The following SCGB2B2 variants were observed in gnomAD, a reference collection of about 807,000 sequenced individuals.
SCGB2B2 encodes secretoglobin family 2B member 2, also known as secretoglobin-like protein.
SCGB2B2 carries 11 observed loss-of-function variants against 7.6 expected under a neutral mutation model. The observed-to-expected ratio is 1.45, with a 90% confidence interval of 0.91 to 2.40. The LOEUF is 2.40. Among genes scored for constraint, SCGB2B2 ranks in the 30% most tolerant of loss-of-function variants. The pLI, the probability that SCGB2B2 is intolerant of heterozygous loss-of-function variation, is 0.00. For synonymous variants in SCGB2B2, 50 were observed against 48.6 expected (o/e 1.03, Z -0.12); for missense variants, 104 against 115.4 (o/e 0.90, Z 0.45).
chr19:34,639,674 A>G (rs2066786959), intron 1 of SCGB2B2, among the ~76,000 whole-genome samples: 2 of 152,108 alleles, frequency 1.3e-5, no homozygotes. Context: ...CTGCTCAAAC[A>G]CCACCAGGAG....
chr19:34,610,725 T>G (rs1397205456), intron 1 of SCGB2B2, among the ~76,000 whole-genome samples: 1 of 151,668 alleles, frequency 6.6e-6, no homozygotes, highest in Non-Finnish European at 1.5e-5. Context: ...AGTATTTTGT[T>G]GAGGATGTTT....
intron 1 of SCGB2B2, among the ~76,000 whole-genome samples, chr19:34,643,102 T>C (rs947921862): frequency 9.2e-5 from 14 of 152,222 alleles, no homozygotes; most frequent in Non-Finnish European, 1.9e-4. Context: ...AAGGGATTCC[T>C]GCACTTGTAT....
chr19:34,642,567 T>C (rs1025424069), intron 1 of SCGB2B2, among the ~76,000 whole-genome samples: 2 of 151,374 alleles, frequency 1.3e-5, no homozygotes, highest in Admixed American at 1.3e-4. Flanking sequence ...TACAAAAAAA[T>C]TAGCCGGGCA....
chr19:34,665,641 T>G (rs1342823021), intron 1 of SCGB2B2, among the ~76,000 whole-genome samples: 1 of 152,064 alleles, frequency 6.6e-6, no homozygotes, highest in Non-Finnish European at 1.5e-5. Context: ...CTACCCCTCA[T>G]GGCAGTTGAG....
Position 34,635,353 on chromosome 19 carries a change from C to A in SCGB2B2, c.-2031-38759G>T, listed in dbSNP as rs878869520. 1.1e-5 allele frequency: 3 copies of A among 283,566 alleles called. No individual in the cohort carries two copies. In the South Asian group the frequency reaches 1.4e-4, roughly 13 times the overall value. 17.6% of individuals were successfully genotyped at this position (283,566 alleles called of 1,614,324 possible). On this transcript the variant is annotated intron_variant, in intron 1 of 3. Transcript: ENST00000601241. ...TTCCCACATTCACTGCATCTGTAAG[C>A]CCTTTCTCCAGTGTGAAGGTTTTTA...
chr19:34,628,074 G>A (rs1185452409), intron 1 of SCGB2B2, among the ~76,000 whole-genome samples: 3 of 152,024 alleles, frequency 2.0e-5, no homozygotes, highest in South Asian at 2.1e-4. Flanking sequence ...TGAAACCAAC[G>A]AGAACAAAGA....
chr19:34,620,122 C>A (rs532701337), intron 1 of SCGB2B2, among the ~76,000 whole-genome samples: 5 of 152,236 alleles, frequency 3.3e-5, no homozygotes, highest in Non-Finnish European at 7.4e-5. Flanking sequence ...CACCATTCTA[C>A]AATTTTGGAA....
downstream of SCGB2B2, among the ~76,000 whole-genome samples, chr19:34,586,069 A>C (rs2065184878): frequency 6.6e-6 from 1 of 152,206 alleles, no homozygotes; most frequent in Non-Finnish European, 1.5e-5. Context: ...ACCATCAGGC[A>C]CTATCCTCCT....
At chr19:34,641,816 C>T (rs1232572760) in intron 1 of SCGB2B2, among the ~76,000 whole-genome samples, 1 of 152,100 alleles carries the variant, frequency 6.6e-6, no homozygotes, top group Non-Finnish European at 1.5e-5. Context: ...ATTTCTTTGA[C>T]ATATTTTGAA....
rs2065289628 is a variant in SCGB2B2 at position 34,591,233 on chromosome 19, A to G, written c.*2322T>C. Among the ~76,000 whole-genome samples the G allele has an allele frequency of 6.6e-6, 1 of 152,170 alleles. No individual in the cohort carries two copies. The highest frequency in any genetic ancestry group is 2.1e-4 in the South Asian group (1 of 4,826). On this transcript the variant is annotated 3_prime_UTR_variant, in exon 4 of 4. Transcript: ENST00000601241. ...ATGGGACTCTGGATCTTTGCCCTAA[A>G]CCTGCTCCTCCCCAGGCTTCACCTT...
chr19:34,615,357 T>A (rs1033194050), intron 1 of SCGB2B2, among the ~76,000 whole-genome samples: 71 of 152,122 alleles, frequency 4.7e-4, no homozygotes, highest in African/African-American at 1.5e-3. Context: ...GATCCTCTGG[T>A]TTACCTTCTC....
chr19:34,642,791 C>T (rs1238912733), intron 1 of SCGB2B2, among the ~76,000 whole-genome samples: 1 of 145,680 alleles, frequency 6.9e-6, no homozygotes, highest in Non-Finnish European at 1.5e-5. Flanking sequence ...TACAAATGAC[C>T]AACACGTATA....
At chr19:34,616,337 C>T (rs2066078963) in intron 1 of SCGB2B2, among the ~76,000 whole-genome samples, 1 of 142,212 alleles carries the variant, frequency 7.0e-6, no homozygotes, top group Non-Finnish European at 1.6e-5. Flanking sequence ...TCTCCACATC[C>T]TCTCCAGCAC....
intron 1 of SCGB2B2, among the ~76,000 whole-genome samples, chr19:34,612,642 A>C (rs1206721842): frequency 6.6e-6 from 1 of 152,190 alleles, no homozygotes; most frequent in African/African-American, 2.4e-5. Flanking sequence ...TTGTTGGATG[A>C]AATAGTCTGT....
downstream of SCGB2B2, among the ~76,000 whole-genome samples, chr19:34,587,322 C>G (rs1237699799): frequency 1.3e-5 from 2 of 152,056 alleles, no homozygotes; most frequent in Non-Finnish European, 2.9e-5. Flanking sequence ...TGATTTCTTT[C>G]TTTTCTAGTT....
At chr19:34,642,985 T>C (rs776798443) in intron 1 of SCGB2B2, among the ~76,000 whole-genome samples, 2 of 152,200 alleles carry the variant, frequency 1.3e-5, no homozygotes, top group Admixed American at 6.5e-5. Context: ...ACAGTCACTA[T>C]GGAAAACAGT....
chr19:34,641,080 CCAAA>C (rs77047317), intron 1 of SCGB2B2, among the ~76,000 whole-genome samples: 56,030 of 151,224 alleles, frequency 0.37, 10,643 homozygotes, highest in African/African-American at 0.46. Context: ...CCATCACACC[CCAAA>C]CAAAGATTAT....
intron 1 of SCGB2B2, among the ~76,000 whole-genome samples, chr19:34,661,933 G>A (rs2067468442): frequency 6.6e-6 from 1 of 151,938 alleles, no homozygotes; most frequent in Admixed American, 6.6e-5. Flanking sequence ...AGGCTGGAGT[G>A]CAGTGGCCTG....
intron 1 of SCGB2B2, among the ~76,000 whole-genome samples, chr19:34,667,484 T>C (rs4806034): frequency 0.37 from 56,822 of 151,726 alleles, 11,086 homozygotes; most frequent in African/African-American, 0.47. Context: ...CTCCCACTCC[T>C]GCTGTGCTAA....
Sources: gnomAD v4.1 joint callset for allele counts (sites outside exome capture counted in the v4.1 genomes callset) on GRCh38, gnomAD v4.1.1 for gene constraint, MANE v1.5 for transcripts, NCBI Gene and HGNC (gene_info 2026-07-23, HGNC 2026-07-21) for gene names.